Variants in RALGDS observed in about 807,000 individuals in gnomAD.
RALGDS encodes the protein ral guanine nucleotide dissociation stimulator, also known as ral guanine nucleotide exchange factor.
RALGDS carries 44 observed loss-of-function variants against 99.8 expected under a neutral mutation model. The observed-to-expected ratio is 0.44, with a 90% CI of 0.35 to 0.57. The LOEUF is 0.57. Ranked by LOEUF, RALGDS falls within the 20% of genes least tolerant of loss-of-function variation. The pLI is 0.01. For missense variants in RALGDS, 1,022 were observed against 1,203.1 expected, an observed-to-expected ratio of 0.85 and a Z score of 2.23; for synonymous variants, 529 against 505.0, an observed-to-expected ratio of 1.05 and a Z score of -0.64.
chr9:133,121,276 G>T (rs1588553972), upstream of RALGDS: 13 of 980,170 alleles, frequency 1.3e-5, no homozygotes, highest in Non-Finnish European at 1.3e-5. Context: ...ATGTCAGGCT[G>T]GGGGGCGGGG....
intron 1 of RALGDS, among the ~76,000 whole-genome samples, chr9:133,140,865 G>A (rs948854602): frequency 2.0e-5 from 3 of 151,978 alleles, no homozygotes; most frequent in Non-Finnish European, 4.4e-5. Flanking sequence ...CGCACCTTGG[G>A]CTGTGGGCCG....
intron 1 of RALGDS, among the ~76,000 whole-genome samples, chr9:133,112,614 G>A (rs553413374): frequency 1.3e-3 from 198 of 152,228 alleles, no homozygotes; most frequent in African/African-American, 4.3e-3. Context: ...CCCAAGAGAA[G>A]GTCCCCCTAC....
At chr9:133,115,993 C>T (rs1226770139) in intron 1 of RALGDS, among the ~76,000 whole-genome samples, 4 of 152,276 alleles carry the variant, frequency 2.6e-5, no homozygotes, top group Non-Finnish European at 4.4e-5. Flanking sequence ...CCTTCTCCGT[C>T]CTACAGAGGT....
At chr9:133,142,910 CT>C (rs1441903825) in intron 1 of RALGDS, among the ~76,000 whole-genome samples, 1 of 152,234 alleles carries the variant, frequency 6.6e-6, no homozygotes, top group Non-Finnish European at 1.5e-5. Context: ...CCTTCCCAGG[CT>C]TGTGTGCACA....
At chr9:133,148,879 G>A in intron 1 of RALGDS, 1 of 1,510,780 alleles carries the variant, frequency 6.6e-7, no homozygotes. Context: ...GCGGCGCCGG[G>A]CTCCCTCCCC....
rs1202027834 is a variant in RALGDS, at chr9:133,144,208, T to C, written c.18+4755A>G. On this transcript the variant is annotated intron_variant, in intron 1 of 17. Coordinates refer to the RALGDS transcript ENST00000393160. This position sits in a 1 kb window ranked among gnomAD's most constrained non-coding sequence, Gnocchi z 4.5. The stretch of plus-strand genomic sequence containing the variant: ...GCAGTGTCATCAGCCGCACGGCCTC[T>C]GGAGAGGCCTGAGAAAGGCCGGCTC... Among the ~76,000 whole-genome samples, 1 of 152,116 alleles carries C rather than the reference T, an allele frequency of 6.6e-6. No homozygotes were observed. The highest frequency in any genetic ancestry group is 1.5e-5 in the Non-Finnish European group (1 of 68,004).
At chr9:133,104,235 G>C in intron 10 of RALGDS, 28 bp downstream of exon 10, 1 of 1,597,736 alleles carries the variant, frequency 6.3e-7, no homozygotes, top group East Asian at 2.2e-5. Context: ...CCAGCCCCCT[G>C]CCCCTCCGCG....
At chr9:133,121,586 G>A (rs988647523), upstream of RALGDS, among the ~76,000 whole-genome samples, 1 of 141,592 alleles carries the variant, frequency 7.1e-6, no homozygotes, top group African/African-American at 2.5e-5. Context: ...AAATGTGTAC[G>A]TGCTGATCAT....
intron 1 of RALGDS, among the ~76,000 whole-genome samples, chr9:133,142,357 G>A (rs2119272408): frequency 6.6e-6 from 1 of 152,256 alleles, no homozygotes; most frequent in South Asian, 2.1e-4. Flanking sequence ...TTTGGGCCAG[G>A]GGTGGGTGTG....
chr9:133,099,643 T>C (rs952860038), intron 17 of RALGDS: 1 of 13,146 alleles, frequency 7.6e-5, no homozygotes, highest in African/African-American at 1.1e-4. Flanking sequence ...TATACACATA[T>C]ATACATACAT....
intron 1 of RALGDS, among the ~76,000 whole-genome samples, chr9:133,147,431 C>T (rs896280887): frequency 3.3e-5 from 5 of 152,212 alleles, no homozygotes; most frequent in Non-Finnish European, 7.3e-5. Context: ...GGCAGGCCCC[C>T]CTGGGTCACT....
intron 1 of RALGDS, among the ~76,000 whole-genome samples, chr9:133,141,291 C>G (rs1832516591): frequency 6.6e-6 from 1 of 152,190 alleles, no homozygotes; most frequent in African/African-American, 2.4e-5. Flanking sequence ...CCCCACCTGC[C>G]TTTTCCCACC....
At chr9:133,138,306 T>C (rs1296344706) in intron 1 of RALGDS, among the ~76,000 whole-genome samples, 1 of 152,172 alleles carries the variant, frequency 6.6e-6, no homozygotes, top group African/African-American at 2.4e-5. Context: ...TGTCCCACCC[T>C]CCTGCCACCC....
At chr9:133,130,186 G>T (rs1467319484) in intron 1 of RALGDS, among the ~76,000 whole-genome samples, 4 of 152,022 alleles carry the variant, frequency 2.6e-5, no homozygotes, top group Non-Finnish European at 5.9e-5. Context: ...TGGCCAGGCT[G>T]GTCTCAAACT....
intron 1 of RALGDS, among the ~76,000 whole-genome samples, chr9:133,136,896 C>G (rs530843363): frequency 1.2e-4 from 18 of 152,072 alleles, no homozygotes; most frequent in East Asian, 7.8e-4. Flanking sequence ...GAGATAGCAC[C>G]ACTGCATACT....
At chr9:133,111,786 T>C (rs371579915) in intron 2 of RALGDS, among the ~76,000 whole-genome samples, 2 of 152,184 alleles carry the variant, frequency 1.3e-5, no homozygotes, top group East Asian at 3.8e-4. Flanking sequence ...CTTTTGTCCT[T>C]GGGTGAAGAC....
intron 16 of RALGDS, chr9:133,101,294 C>T: frequency 7.2e-7 from 1 of 1,383,162 alleles, no homozygotes; most frequent in South Asian, 1.3e-5. Flanking sequence ...TACAGCACCG[C>T]CCCTTCAGCT....
rs1832585600 is a variant in RALGDS, at chr9:133,144,154, T to C, written c.18+4809A>G. On this transcript the variant is annotated intron_variant, in intron 1 of 17. Coordinates refer to the RALGDS transcript ENST00000393160. The surrounding 1 kb of genome is among the most constrained non-coding windows in gnomAD (Gnocchi z 4.5). ...TTCCGAGCACCCGCAGACCTGGGCC[T>C]GCAGTAACAGGAGAGCTATCTGCAA... Among the ~76,000 whole-genome samples, 1 of 152,098 alleles carries C rather than the reference T, an allele frequency of 6.6e-6. No individual in the cohort carries two copies. Among genetic ancestry groups the C allele is most frequent in the South Asian group, 2.1e-4 (1 of 4,824 alleles).
intron 1 of RALGDS, 121 bp downstream of exon 1, chr9:133,120,851 G>T: frequency 8.8e-7 from 1 of 1,138,360 alleles, no homozygotes; most frequent in Non-Finnish European, 1.2e-6. Context: ...GGAGGAGAGA[G>T]GAGGGAGGCG....
Sources: gnomAD v4.1 joint callset for allele counts (sites outside exome capture counted in the v4.1 genomes callset) on GRCh38, gnomAD v4.1.1 for gene constraint, Gnocchi (gnomAD v3.1) non-coding constraint, MANE v1.5 for transcripts, NCBI Gene and HGNC (gene_info 2026-07-23, HGNC 2026-07-21) for gene names.